The following LOC128462377 variants were observed in gnomAD, a reference collection of about 807,000 sequenced individuals.
the LOC128462377 span, among the ~76,000 whole-genome samples, chr16:89,350,377 T>A: frequency 3.9e-5 from 6 of 152,152 alleles, no homozygotes; most frequent in Admixed American, 2.0e-4. Context: ...ACTACTCATA[T>A]CAGCTTGACT....
At chr16:89,391,898 A>G in the LOC128462377 span, among the ~76,000 whole-genome samples, 3 of 152,232 alleles carry the variant, frequency 2.0e-5, no homozygotes, top group Non-Finnish European at 2.9e-5. Flanking sequence ...AGCTCCCACA[A>G]TTTAGCCTAA....
the LOC128462377 span, among the ~76,000 whole-genome samples, chr16:89,338,546 T>C: frequency 2.0e-5 from 3 of 150,576 alleles, no homozygotes; most frequent in Non-Finnish European, 4.4e-5. Context: ...CTGGCCAACA[T>C]GATGACTGTC....
the LOC128462377 span, among the ~76,000 whole-genome samples, chr16:89,409,286 A>G: frequency 6.6e-6 from 1 of 152,202 alleles, no homozygotes; most frequent in Non-Finnish European, 1.5e-5. Context: ...ACTAGGCTAC[A>G]AGAAAGCTCA....
the LOC128462377 span, among the ~76,000 whole-genome samples, chr16:89,393,230 G>A: frequency 2.0e-5 from 3 of 152,076 alleles, no homozygotes; most frequent in African/African-American, 7.2e-5. Flanking sequence ...TCCCACAGGT[G>A]ACATGGCTCC....
chr16:89,338,385 G>A, the LOC128462377 span, among the ~76,000 whole-genome samples: 1 of 147,452 alleles, frequency 6.8e-6, no homozygotes, highest in African/African-American at 2.5e-5. Flanking sequence ...GGTTTGAAAA[G>A]GGCCTGAGTG....
chr16:89,347,282 C>T, the LOC128462377 span, among the ~76,000 whole-genome samples: 1 of 152,130 alleles, frequency 6.6e-6, no homozygotes, highest in Non-Finnish European at 1.5e-5. Flanking sequence ...ATGTGTGTAC[C>T]TGTATGTGTG....
At chr16:89,349,861 AACACACACACACACACACACACACAC>A in the LOC128462377 span, among the ~76,000 whole-genome samples, 4,565 of 133,228 alleles carry the variant, frequency 0.034, 282 homozygotes, top group African/African-American at 0.12. Context: ...TACTTGTTAA[AACACACACACACACACACACACACAC>A]ACACACACAC....
At chr16:89,347,869 A>G in the LOC128462377 span, among the ~76,000 whole-genome samples, 1 of 152,120 alleles carries the variant, frequency 6.6e-6, no homozygotes. Flanking sequence ...AACGTCCTCC[A>G]TCAGACTGAG....
the LOC128462377 span, among the ~76,000 whole-genome samples, chr16:89,348,122 G>C: frequency 1.3e-5 from 2 of 151,936 alleles, no homozygotes; most frequent in African/African-American, 2.4e-5. Context: ...TGTACAGATA[G>C]GGTTTCACCA....
At chr16:89,322,220 T>C in the LOC128462377 span, among the ~76,000 whole-genome samples, 2 of 152,330 alleles carry the variant, frequency 1.3e-5, no homozygotes, top group Admixed American at 6.5e-5. Flanking sequence ...CAAGCCCCCT[T>C]ACACCTGGGT....
chr16:89,380,631 T>TA, the LOC128462377 span, among the ~76,000 whole-genome samples: 3 of 152,078 alleles, frequency 2.0e-5, no homozygotes, highest in Non-Finnish European at 4.4e-5. Flanking sequence ...TAAAAGACAA[T>TA]AACCAATAGG....
the LOC128462377 span, among the ~76,000 whole-genome samples, chr16:89,334,122 A>T: frequency 6.7e-6 from 1 of 148,222 alleles, no homozygotes. Context: ...CAGCCTGGGT[A>T]ACATGATGAA....
chr16:89,368,371 GTTTTTTTTTTTTTTTTT>G, the LOC128462377 span, among the ~76,000 whole-genome samples: 1,080 of 56,622 alleles, frequency 0.019, 27 homozygotes, highest in African/African-American at 0.049. Flanking sequence ...TAATTTTTGT[GTTTTTTTTTTTTTTTTT>G]TTTTTTTTTT....
the LOC128462377 span, among the ~76,000 whole-genome samples, chr16:89,388,846 T>G: frequency 6.6e-6 from 1 of 152,092 alleles, no homozygotes; most frequent in African/African-American, 2.4e-5. Context: ...AACCCAAAAC[T>G]GAACCAAGCT....
chr16:89,318,302 G>A, the LOC128462377 span, among the ~76,000 whole-genome samples: 59 of 152,266 alleles, frequency 3.9e-4, no homozygotes, highest in African/African-American at 1.1e-3. Flanking sequence ...CAGGCCTCCC[G>A]GGTGCACTCA....
chr16:89,349,193 G>C, the LOC128462377 span, among the ~76,000 whole-genome samples: 1 of 138,326 alleles, frequency 7.2e-6, no homozygotes, highest in Non-Finnish European at 1.6e-5. Flanking sequence ...AGACAGTGTG[G>C]TGTTAGCAAA....
At chr16:89,345,496 C>G in the LOC128462377 span, among the ~76,000 whole-genome samples, 2 of 152,196 alleles carry the variant, frequency 1.3e-5, no homozygotes, top group Admixed American at 1.3e-4. Flanking sequence ...AGGCAGAGAC[C>G]AGGCCCTCCA....
chr16:89,338,913 A>G, the LOC128462377 span, among the ~76,000 whole-genome samples: 159 of 152,172 alleles, frequency 1.0e-3, no homozygotes, highest in African/African-American at 3.7e-3. Context: ...CAAAAAAATC[A>G]CCCAGATATA....
the LOC128462377 span, among the ~76,000 whole-genome samples, chr16:89,414,063 A>T: frequency 1.3e-5 from 2 of 152,136 alleles, no homozygotes; most frequent in Non-Finnish European, 2.9e-5. Flanking sequence ...CACACCCTCC[A>T]GGATGCCACA....
Sources: allele counts gnomAD v4.1 joint callset (sites outside exome capture counted in the v4.1 genomes callset), GRCh38; gene constraint gnomAD v4.1.1; transcripts MANE v1.5.